The following EIF3H variants were observed in gnomAD, a reference collection of about 807,000 sequenced individuals.
EIF3H encodes eIF-3-gamma.
EIF3H carries 26 observed loss-of-function variants against 44.2 expected under a neutral mutation model. That is an observed-to-expected ratio of 0.59 (90% confidence interval 0.43 to 0.82). EIF3H has a LOEUF of 0.82. Ranked by LOEUF, EIF3H falls within the 40% of genes least tolerant of loss-of-function variation. The pLI is 0.00. For synonymous variants in EIF3H, 166 were observed against 151.9 expected (o/e 1.09, Z -0.68); for missense variants, 359 against 432.8 (o/e 0.83, Z 1.51).
upstream of EIF3H, among the ~76,000 whole-genome samples, chr8:116,757,254 A>ACTAG (rs71567919): frequency 0.55 from 83,447 of 151,488 alleles, 24,670 homozygotes; most frequent in Non-Finnish European, 0.67. Flanking sequence ...TATGAAATAC[A>ACTAG]CTAGATGTAA....
intron 2 of EIF3H, among the ~76,000 whole-genome samples, chr8:116,686,422 C>T (rs961137986): frequency 6.6e-6 from 1 of 151,926 alleles, no homozygotes; most frequent in African/African-American, 2.4e-5. Flanking sequence ...CAAACGTGCT[C>T]GAGTCATCCA....
chr8:116,678,254 C>A (rs932671501), intron 2 of EIF3H, among the ~76,000 whole-genome samples: 33 of 152,146 alleles, frequency 2.2e-4, no homozygotes, highest in Middle Eastern at 3.4e-3. Flanking sequence ...CTCGGCCTCC[C>A]GAGGTGCCGG....
chr8:116,686,791 AAAAAAT>A (rs1255434085), intron 2 of EIF3H, among the ~76,000 whole-genome samples: 1 of 123,616 alleles, frequency 8.1e-6, no homozygotes, highest in Admixed American at 8.2e-5. Context: ...TGCCAGGCCA[AAAAAAT>A]AAAAAATAAA....
intron 2 of EIF3H, among the ~76,000 whole-genome samples, chr8:116,707,002 A>G (rs1814482545): frequency 6.6e-6 from 1 of 152,218 alleles, no homozygotes; most frequent in Non-Finnish European, 1.5e-5. Context: ...TGACCCCATC[A>G]TAAGTTGAGG....
chr8:116,645,231 T>C (rs1813278881), intron 7 of EIF3H, 128 bp from the exon 8 acceptor site: 2 of 691,340 alleles, frequency 2.9e-6, no homozygotes, highest in Middle Eastern at 2.6e-4. Flanking sequence ...CCAGAGTTTA[T>C]TTTTCCATAA....
chr8:116,669,111 A>G lies in EIF3H; in HGVS notation c.290-10131T>C, dbSNP rs146858465. Among the ~76,000 whole-genome samples, 41 of 152,334 alleles carry G rather than the reference A, an allele frequency of 2.7e-4. No homozygotes were observed. In the East Asian group the frequency reaches 7.5e-3, roughly 28 times the overall value. On this transcript the variant is annotated intron_variant, in intron 2 of 7. Coordinates refer to ENST00000521861, the MANE Select transcript of EIF3H (RefSeq NM_003756.3). ...ACATTCATGTCATGAAACAGAATTCATATGTACAAATAGGAATATGATCAA... is the reference window on the plus strand; with the variant it reads ...ACATTCATGTCATGAAACAGAATTCGTATGTACAAATAGGAATATGATCAA...
chr8:116,740,969 A>T (rs1388322386), intron 1 of EIF3H, among the ~76,000 whole-genome samples: 1 of 152,234 alleles, frequency 6.6e-6, no homozygotes, highest in African/African-American at 2.4e-5. Context: ...ACTACCTAGC[A>T]CACAATTACT....
chr8:116,700,461 T>C (rs929280400), intron 2 of EIF3H, among the ~76,000 whole-genome samples: 3 of 152,162 alleles, frequency 2.0e-5, no homozygotes, highest in Admixed American at 2.0e-4. Flanking sequence ...GTGTATTTTA[T>C]GTGTGTCCCA....
rs1563630329 is a variant in EIF3H, at chr8:116,643,716, G to A, written c.*1290C>T. On this transcript the variant is annotated 3_prime_UTR_variant, in exon 8 of 8. Coordinates refer to ENST00000521861, the MANE Select transcript of EIF3H (RefSeq NM_003756.3). ...TTCAATCTGGCTGCCTGATCCCAGA[G>A]CCCCAGTAGTGCCTTCAAAACAATG... 1 of 152,154 alleles carries A rather than the reference G, an allele frequency of 6.6e-6. No individual in the cohort carries two copies. 9.4% of individuals were successfully genotyped at this position (152,154 alleles called of 1,614,324 possible). A position where few individuals can be genotyped will look rare whatever the true frequency, so the allele number is the denominator to read the frequency against.
At chr8:116,732,622 TAGGC>T (rs1814969318) in intron 1 of EIF3H, among the ~76,000 whole-genome samples, 1 of 150,550 alleles carries the variant, frequency 6.6e-6, no homozygotes. Context: ...ATAGAATCAC[TAGGC>T]TTCTGTTATT....
At chr8:116,706,701 A>C (rs751626607) in intron 2 of EIF3H, among the ~76,000 whole-genome samples, 5 of 151,886 alleles carry the variant, frequency 3.3e-5, no homozygotes, top group Non-Finnish European at 4.4e-5. Context: ...CACCTGGCTA[A>C]TTTTTGTATT....
chr8:116,681,343 T>C (rs1050200495), intron 2 of EIF3H, among the ~76,000 whole-genome samples: 6 of 146,764 alleles, frequency 4.1e-5, no homozygotes, highest in African/African-American at 1.5e-4. Context: ...GCCTGCGTAA[T>C]ACAGCAAGAC....
chr8:116,645,981 A>G (rs1813289912), intron 7 of EIF3H, among the ~76,000 whole-genome samples: 2 of 152,152 alleles, frequency 1.3e-5, no homozygotes, highest in Admixed American at 1.3e-4. Context: ...AGGACACAGG[A>G]CCTCTCCTGC....
intron 2 of EIF3H, among the ~76,000 whole-genome samples, chr8:116,674,461 C>T (rs902715345): frequency 3.3e-5 from 5 of 152,184 alleles, no homozygotes; most frequent in East Asian, 1.9e-4. Context: ...TCTATCCATC[C>T]CACTTTTTCC....
intron 2 of EIF3H, among the ~76,000 whole-genome samples, chr8:116,703,014 G>C (rs1471472491): frequency 1.3e-5 from 2 of 152,256 alleles, no homozygotes; most frequent in Middle Eastern, 3.4e-3. Context: ...GCGTGTGGGC[G>C]GCAAGCCACC....
chr8:116,754,661 C>T (rs1013785806), intron 1 of EIF3H, among the ~76,000 whole-genome samples: 15 of 33,342 alleles, frequency 4.5e-4, no homozygotes, highest in African/African-American at 2.6e-3. Context: ...GAAAGGCTAA[C>T]TTGCCTTAAA....
chr8:116,647,175 T>C (rs1586429473), intron 6 of EIF3H, among the ~76,000 whole-genome samples: 1 of 147,612 alleles, frequency 6.8e-6, no homozygotes, highest in Admixed American at 6.7e-5. Context: ...AGCCTCCGCC[T>C]CTCCGCCTCC....
intron 1 of EIF3H, among the ~76,000 whole-genome samples, chr8:116,762,168 A>G (rs1054076037): frequency 2.0e-5 from 3 of 152,238 alleles, no homozygotes; most frequent in East Asian, 1.9e-4. Context: ...CTCATCAAAC[A>G]TATTTGTTCA....
chr8:116,666,598 T>C (rs1273358814), intron 2 of EIF3H, among the ~76,000 whole-genome samples: 1 of 151,794 alleles, frequency 6.6e-6, no homozygotes, highest in East Asian at 1.9e-4. Context: ...TTCTATGTCA[T>C]TTGAGATGTG....
Sources: allele counts gnomAD v4.1 joint callset (sites outside exome capture counted in the v4.1 genomes callset), GRCh38; gene constraint gnomAD v4.1.1; transcripts MANE v1.5; gene names NCBI Gene and HGNC (gene_info 2026-07-23, HGNC 2026-07-21).